NCKAP5: variants seen among roughly 807,000 people sequenced by gnomAD.
The protein encoded by NCKAP5 is nck-associated protein 5.
Under a neutral mutation model 167.0 loss-of-function variants are expected in NCKAP5, and 92 were observed. The observed-to-expected ratio is 0.55, with a 90% CI of 0.47 to 0.66. NCKAP5 has a LOEUF of 0.66. Ranked by LOEUF, NCKAP5 falls within the 30% of genes least tolerant of loss-of-function variation. NCKAP5 has a pLI of 0.00. For synonymous variants in NCKAP5, 891 were observed against 877.4 expected, an observed-to-expected ratio of 1.02 and a Z score of -0.27; for missense variants, 2,378 against 2,315.0, an observed-to-expected ratio of 1.03 and a Z score of -0.56.
chr2:133,348,451 A>T (rs1559405150), intron 3 of NCKAP5, among the ~76,000 whole-genome samples: 5 of 152,156 alleles, frequency 3.3e-5, no homozygotes, highest in Admixed American at 2.0e-4. Context: ...CAAAAACACA[A>T]AAACTGCATT....
intron 8 of NCKAP5, among the ~76,000 whole-genome samples, chr2:132,942,553 C>T (rs1398719599): frequency 6.6e-6 from 1 of 152,114 alleles, no homozygotes; most frequent in African/African-American, 2.4e-5. Flanking sequence ...AAAACATGAG[C>T]CCACGTTTTC....
At chr2:132,764,442 G>C (rs1053105760) in intron 16 of NCKAP5, among the ~76,000 whole-genome samples, 2 of 152,192 alleles carry the variant, frequency 1.3e-5, no homozygotes, top group African/African-American at 4.8e-5. Context: ...CTTATAGTTA[G>C]TTATAAGTGG....
chr2:133,116,447 C>T (rs1376657700), intron 6 of NCKAP5, among the ~76,000 whole-genome samples: 2 of 123,872 alleles, frequency 1.6e-5, no homozygotes, highest in Non-Finnish European at 3.2e-5. Context: ...GAGATCGCGC[C>T]ACTGCACTCC....
chr2:132,807,266 T>C (rs1421247665), intron 11 of NCKAP5, among the ~76,000 whole-genome samples: 1 of 152,222 alleles, frequency 6.6e-6, no homozygotes, highest in Non-Finnish European at 1.5e-5. Flanking sequence ...ATATGAATTT[T>C]AGAATTGTTT....
chr2:133,053,521 A>G (rs149090975), intron 6 of NCKAP5, among the ~76,000 whole-genome samples: 48 of 152,344 alleles, frequency 3.2e-4, no homozygotes, highest in African/African-American at 1.1e-3. Flanking sequence ...AAGAAATGCA[A>G]TTTTAATTGT....
chr2:133,027,502 A>G (rs2078738540), intron 6 of NCKAP5, among the ~76,000 whole-genome samples: 1 of 152,198 alleles, frequency 6.6e-6, no homozygotes, highest in Admixed American at 6.5e-5. Context: ...GACTAGCTCA[A>G]GGTCACACAG....
intron 11 of NCKAP5, among the ~76,000 whole-genome samples, chr2:132,825,737 A>G (rs1687080344): frequency 6.6e-6 from 1 of 152,208 alleles, no homozygotes; most frequent in Non-Finnish European, 1.5e-5. Context: ...AGATGGGAGG[A>G]GCTAGCCATA....
intron 6 of NCKAP5, among the ~76,000 whole-genome samples, chr2:133,078,552 G>A (rs1338432129): frequency 1.3e-5 from 2 of 152,096 alleles, no homozygotes; most frequent in Non-Finnish European, 2.9e-5. Flanking sequence ...CTGGGGTGAA[G>A]GTGGCAACTG....
intron 3 of NCKAP5, among the ~76,000 whole-genome samples, chr2:133,463,349 T>C (rs908744496): frequency 3.9e-5 from 6 of 152,214 alleles, no homozygotes; most frequent in African/African-American, 1.4e-4. Context: ...AATGGCCATG[T>C]GGTAGATGTT....
intron 19 of NCKAP5, among the ~76,000 whole-genome samples, chr2:132,690,857 A>G (rs991995099): frequency 7.2e-5 from 11 of 152,022 alleles, no homozygotes; most frequent in African/African-American, 2.7e-4. Context: ...TCACTGCTCT[A>G]ACTTCCACCA....
intron 19 of NCKAP5, among the ~76,000 whole-genome samples, chr2:132,689,598 C>G (rs892291118): frequency 6.6e-6 from 1 of 152,114 alleles, no homozygotes; most frequent in African/African-American, 2.4e-5. Flanking sequence ...GGCACTTGTG[C>G]GGCAACCAAC....
chr2:133,184,957 C>T (rs1310640887), intron 5 of NCKAP5, among the ~76,000 whole-genome samples: 1 of 152,064 alleles, frequency 6.6e-6, no homozygotes, highest in African/African-American at 2.4e-5. Context: ...TATGCAGAAG[C>T]TCTTTAGTTA....
At chr2:133,245,585 A>G (rs2087937208) in intron 4 of NCKAP5, among the ~76,000 whole-genome samples, 1 of 152,032 alleles carries the variant, frequency 6.6e-6, no homozygotes, top group Admixed American at 6.5e-5. Flanking sequence ...CCAGTATACT[A>G]ACACTTGATT....
At chr2:132,947,460 A>G (rs1697837725) in intron 8 of NCKAP5, among the ~76,000 whole-genome samples, 1 of 152,214 alleles carries the variant, frequency 6.6e-6, no homozygotes, top group Non-Finnish European at 1.5e-5. Flanking sequence ...TAATTTTAAA[A>G]TAAAGTGATT....
intron 6 of NCKAP5, chr2:133,117,019 A>C (rs1402413026): frequency 6.6e-6 from 1 of 152,216 alleles, no homozygotes; most frequent in Non-Finnish European, 1.5e-5. Context: ...GAGTTCATAC[A>C]ACAGCTACAA....
intron 6 of NCKAP5, among the ~76,000 whole-genome samples, chr2:133,107,151 G>A (rs2081734132): frequency 6.6e-6 from 1 of 152,138 alleles, no homozygotes; most frequent in Non-Finnish European, 1.5e-5. Context: ...TGAAGCTGGA[G>A]CAAACTCTTC....
chr2:133,475,538 G>A (rs1207412865), intron 3 of NCKAP5, among the ~76,000 whole-genome samples: 1 of 152,108 alleles, frequency 6.6e-6, no homozygotes, highest in African/African-American at 2.4e-5. Flanking sequence ...TCTGTTGAAG[G>A]ATGGAAGAAA....
intron 17 of NCKAP5, among the ~76,000 whole-genome samples, chr2:132,729,942 T>C (rs953606309): frequency 1.2e-4 from 18 of 152,300 alleles, no homozygotes; most frequent in Middle Eastern, 3.4e-3. Flanking sequence ...CACATTTGAA[T>C]TGGCAGTGAC....
chr2:133,249,515 C>A (rs2088194447), intron 4 of NCKAP5, among the ~76,000 whole-genome samples: 1 of 151,772 alleles, frequency 6.6e-6, no homozygotes, highest in South Asian at 2.1e-4. Context: ...AAGTTTGTGG[C>A]AAATTATTAT....
Sources: gnomAD v4.1 joint callset for allele counts (sites outside exome capture counted in the v4.1 genomes callset) on GRCh38, gnomAD v4.1.1 for gene constraint, MANE v1.5 for transcripts, NCBI Gene and HGNC (gene_info 2026-07-23, HGNC 2026-07-21) for gene names.